Variants in JARID2 observed in about 807,000 individuals in gnomAD.
The protein encoded by JARID2 is protein Jumonji.
A neutral mutation model predicts 125.6 loss-of-function variants in JARID2; 21 were observed. That is an observed-to-expected ratio of 0.17 (90% CI 0.12 to 0.24). The LOEUF is 0.24. Among genes scored for constraint, JARID2 ranks in the 10% least tolerant of loss-of-function variants. JARID2 has a pLI of 1.00. For synonymous variants in JARID2, 736 were observed against 661.6 expected (o/e 1.11, Z -1.73); for missense variants, 1,303 against 1,639.6 (o/e 0.79, Z 3.55).
In JARID2 at chr6:15,504,439, C is replaced by A. The variant is rs1008202263; in HGVS notation, c.2449-61C>A. ...CAGCGGCCCATGACAGGTGTCTGGC[C>A]TCATTTGCAGTAGGGTTCAGCTTTG... On this transcript the variant is annotated intron_variant, in intron 8 of 17. Coordinates refer to ENST00000341776, the MANE Select transcript of JARID2 (RefSeq NM_004973.4). 3 of 1,278,834 alleles carry A rather than the reference C, an allele frequency of 2.3e-6. No individual in the cohort carries two copies. In the East Asian group the frequency reaches 6.9e-5, roughly 30 times the overall value. The allele number at this position is 1,278,834 out of a possible 1,614,324, so 79.2% of individuals were successfully genotyped here. A position where few individuals can be genotyped will look rare whatever the true frequency, so the allele number is the denominator to read the frequency against.
chr6:15,326,243 G>C (rs1762530441), intron 1 of JARID2, among the ~76,000 whole-genome samples: 1 of 152,142 alleles, frequency 6.6e-6, no homozygotes, highest in Admixed American at 6.5e-5. Flanking sequence ...GGAAGGTGGA[G>C]ACAGGGTGGA....
At chr6:15,456,951 TAAAGAAGTAGGC>T (rs1768208938) in intron 4 of JARID2, among the ~76,000 whole-genome samples, 1 of 136,978 alleles carries the variant, frequency 7.3e-6, no homozygotes, top group South Asian at 2.3e-4. Context: ...AGAAGAAAGG[TAAAGAAGTAGGC>T]AAAAGAATGC....
At chr6:15,409,161 T>G (rs1048586126) in intron 2 of JARID2, among the ~76,000 whole-genome samples, 1 of 152,204 alleles carries the variant, frequency 6.6e-6, no homozygotes, top group Non-Finnish European at 1.5e-5. Context: ...ACATAGTGTT[T>G]AGTACAACTA....
chr6:15,296,781 A>AGGCTCATCTT (rs1283031605), intron 1 of JARID2, among the ~76,000 whole-genome samples: 1 of 152,176 alleles, frequency 6.6e-6, no homozygotes, highest in Non-Finnish European at 1.5e-5. Context: ...AGACACATTA[A>AGGCTCATCTT]GGTGTTGTAG....
At chr6:15,438,415 G>T (rs768499449) in intron 3 of JARID2, among the ~76,000 whole-genome samples, 5 of 151,624 alleles carry the variant, frequency 3.3e-5, no homozygotes, top group Admixed American at 6.6e-5. Flanking sequence ...TTCTGCTGAA[G>T]TCAGCAGTGA....
chr6:15,335,276 T>G (rs1259846840), intron 1 of JARID2, among the ~76,000 whole-genome samples: 2 of 152,142 alleles, frequency 1.3e-5, no homozygotes, highest in East Asian at 3.9e-4. Context: ...ATTTTTGTAT[T>G]TTTAGTAGAG....
chr6:15,284,171 C>T (rs756916752), intron 1 of JARID2, among the ~76,000 whole-genome samples: 2 of 152,150 alleles, frequency 1.3e-5, no homozygotes, highest in African/African-American at 4.8e-5. Flanking sequence ...TTTATTACCT[C>T]CCATTGAGCT....
chr6:15,382,844 C>A (rs1764642939), intron 2 of JARID2, among the ~76,000 whole-genome samples: 1 of 152,194 alleles, frequency 6.6e-6, no homozygotes, highest in Non-Finnish European at 1.5e-5. Context: ...ACCCACTGCC[C>A]CTCTCTTTCT....
intron 4 of JARID2, among the ~76,000 whole-genome samples, chr6:15,463,122 A>C (rs1281968610): frequency 1.3e-5 from 2 of 152,052 alleles, no homozygotes; most frequent in South Asian, 2.1e-4. Flanking sequence ...CGGGAGAGAA[A>C]ATCTGCCTGT....
intron 3 of JARID2, among the ~76,000 whole-genome samples, chr6:15,431,356 G>A (rs1419342704): frequency 1.3e-5 from 2 of 152,138 alleles, no homozygotes; most frequent in African/African-American, 2.4e-5. Context: ...CATCAGCTGC[G>A]ATCCGTATGT....
At chr6:15,409,022 G>C (rs1765766703) in intron 2 of JARID2, among the ~76,000 whole-genome samples, 2 of 152,168 alleles carry the variant, frequency 1.3e-5, no homozygotes, top group Admixed American at 6.5e-5. Flanking sequence ...ACTCTGAAAT[G>C]ATGTAAAAAT....
intron 1 of JARID2, among the ~76,000 whole-genome samples, chr6:15,276,009 T>C (rs938808858): frequency 5.3e-5 from 8 of 152,192 alleles, no homozygotes; most frequent in African/African-American, 1.9e-4. Flanking sequence ...ACTGAGCAGC[T>C]TGTAGGAGAA....
intron 6 of JARID2, among the ~76,000 whole-genome samples, chr6:15,491,745 G>A (rs1168793565): frequency 6.6e-6 from 1 of 152,132 alleles, no homozygotes; most frequent in Non-Finnish European, 1.5e-5. Flanking sequence ...ATCATACTGA[G>A]TTGATTTAAA....
At chr6:15,340,527 C>G in intron 1 of JARID2, among the ~76,000 whole-genome samples, 1 of 152,208 alleles carries the variant, frequency 6.6e-6, no homozygotes, top group East Asian at 1.9e-4. Context: ...AAAGACTACT[C>G]TCATCTTGCT....
chr6:15,442,112 A>T lies in JARID2; in HGVS notation c.324-9894A>T, dbSNP rs569628819. On this transcript the variant is annotated intron_variant, in intron 3 of 17. Coordinates refer to ENST00000341776, the MANE Select transcript of JARID2 (RefSeq NM_004973.4). ...TTCTTATATTTCTCTTGCATTTTGA[A>T]AAAAAAAAAAGGAAGTAAAACAGGA... Among the ~76,000 whole-genome samples, 593 of 148,380 alleles carry T rather than the reference A, an allele frequency of 4.0e-3. 4 individuals carry two copies. The highest frequency in any genetic ancestry group is 0.025 in the Middle Eastern group (7 of 284).
At chr6:15,262,684 T>C (rs1454506881) in intron 1 of JARID2, among the ~76,000 whole-genome samples, 2 of 151,938 alleles carry the variant, frequency 1.3e-5, no homozygotes, top group Non-Finnish European at 2.9e-5. Context: ...ATTACAGGTG[T>C]GCGCCACCAC....
chr6:15,341,030 C>T (rs952584383), intron 1 of JARID2, among the ~76,000 whole-genome samples: 2 of 152,146 alleles, frequency 1.3e-5, no homozygotes, highest in African/African-American at 4.8e-5. Flanking sequence ...AGAAGTGAAA[C>T]AAAAGAGACT....
At chr6:15,451,027 G>A (rs955879686) in intron 3 of JARID2, among the ~76,000 whole-genome samples, 1 of 152,194 alleles carries the variant, frequency 6.6e-6, no homozygotes, top group South Asian at 2.1e-4. Context: ...GCTGGGCGTG[G>A]TGGTGCACGC....
chr6:15,319,121 G>A (rs1272285344), intron 1 of JARID2, among the ~76,000 whole-genome samples: 2 of 152,144 alleles, frequency 1.3e-5, no homozygotes, highest in Non-Finnish European at 2.9e-5. Flanking sequence ...TCACTTTCTT[G>A]CAGGGAGAGA....
Sources: gnomAD v4.1 joint callset for allele counts (sites outside exome capture counted in the v4.1 genomes callset) on GRCh38, gnomAD v4.1.1 for gene constraint, MANE v1.5 for transcripts, NCBI Gene and HGNC (gene_info 2026-07-23, HGNC 2026-07-21) for gene names.